The following NCALD variants were observed in gnomAD, a reference collection of about 807,000 sequenced individuals.
NCALD encodes neurocalcin delta, also known as neurocalcin-delta.
In NCALD, 10 loss-of-function variants were observed where a neutral mutation model predicts 18.6. That is an observed-to-expected ratio of 0.54 (90% CI 0.33 to 0.91). The LOEUF is 0.91. Among genes scored for constraint, NCALD ranks in the 40% least tolerant of loss-of-function variants. NCALD has a pLI of 0.03. For missense variants in NCALD, 184 were observed against 247.6 expected (o/e 0.74, Z 1.72); for synonymous variants, 88 against 87.4 (o/e 1.01, Z -0.04).
intron 2 of NCALD, among the ~76,000 whole-genome samples, chr8:101,933,543 C>T (rs1040871507): frequency 1.3e-5 from 2 of 152,208 alleles, no homozygotes; most frequent in Admixed American, 1.3e-4. Flanking sequence ...CTGTTTGAAG[C>T]CTCTAAGTTT....
chr8:101,692,324 A>G (rs1387215422), intron 3 of NCALD: 2 of 985,246 alleles, frequency 2.0e-6, no homozygotes, highest in African/African-American at 3.5e-5. Context: ...GGGAAACACA[A>G]CATCTCAGTG....
rs74944130 is a variant in NCALD at position 101,935,116 on chromosome 8, G to A, written c.-156-19258C>T. 9.5e-3 allele frequency among the ~76,000 whole-genome samples: 1,447 copies of A among 152,004 alleles called. 14 individuals are homozygous for A. The highest frequency in any genetic ancestry group is 0.018 in the African/African-American group (755 of 41,488). ...GGGAATAGTCAGAAAAATTTAAGAC[G>A]AAGGAGTAGCCTCTACATCAAAAAG... On this transcript the variant is annotated intron_variant, in intron 2 of 6. Coordinates refer to the NCALD transcript ENST00000311028.
At chr8:101,976,221 C>A (rs549998377) in intron 2 of NCALD, among the ~76,000 whole-genome samples, 2 of 152,312 alleles carry the variant, frequency 1.3e-5, no homozygotes, top group East Asian at 1.9e-4. Context: ...TTTCTATAAA[C>A]CCTGCCCTCA....
intron 1 of NCALD, among the ~76,000 whole-genome samples, chr8:102,117,455 C>A (rs1222735172): frequency 6.6e-6 from 1 of 152,176 alleles, no homozygotes; most frequent in African/African-American, 2.4e-5. Flanking sequence ...CGGCATCCGC[C>A]AGCTCATGAG....
At chr8:101,812,694 T>C (rs775385921) in intron 4 of NCALD, among the ~76,000 whole-genome samples, 13 of 152,148 alleles carry the variant, frequency 8.5e-5, no homozygotes, top group Admixed American at 1.3e-4. Context: ...TGAGTAACAA[T>C]GGAACCTTCT....
chr8:101,828,528 A>C (rs550807134), intron 4 of NCALD, among the ~76,000 whole-genome samples: 1 of 150,364 alleles, frequency 6.7e-6, no homozygotes, highest in East Asian at 2.0e-4. Context: ...TTAAAATTGC[A>C]ATGTATTCCT....
intron 2 of NCALD, among the ~76,000 whole-genome samples, chr8:101,699,216 A>G (rs1335694717): frequency 6.6e-6 from 1 of 152,248 alleles, no homozygotes; most frequent in East Asian, 1.9e-4. Flanking sequence ...ATGAGATACC[A>G]TCTCATGCCA....
intron 3 of NCALD, among the ~76,000 whole-genome samples, chr8:101,888,586 C>CT (rs200997296): frequency 4.8e-4 from 71 of 147,196 alleles, no homozygotes; most frequent in Admixed American, 1.6e-3. Flanking sequence ...CCTGGCTAAC[C>CT]TTTTTTTTTT....
intron 4 of NCALD, among the ~76,000 whole-genome samples, chr8:101,811,214 T>C (rs139933892): frequency 6.6e-6 from 1 of 152,202 alleles, no homozygotes; most frequent in African/African-American, 2.4e-5. Context: ...AGAGAGATTA[T>C]CCTGAATTAT....
rs527474172 is a variant in NCALD at position 101,893,270 on chromosome 8, A to G, written c.-106-6043T>C. ...TTCATATCTAGCCAAACTAAGCTTC[A>G]TAAGTGAAGGAGAAATAAAATACTT... On this transcript the variant is annotated intron_variant, in intron 3 of 6. Coordinates refer to the NCALD transcript ENST00000311028. Among the ~76,000 whole-genome samples the G allele has an allele frequency of 7.6e-3, 1,157 of 151,580 alleles. 12 individuals are homozygous for G. Among genetic ancestry groups the G allele is most frequent in the Non-Finnish European group, 0.012 (793 of 68,000 alleles).
chr8:102,011,592 T>C (rs1821905517), intron 2 of NCALD, among the ~76,000 whole-genome samples: 1 of 152,192 alleles, frequency 6.6e-6, no homozygotes, highest in African/African-American at 2.4e-5. Flanking sequence ...TTTGACAATC[T>C]TATGTATAAA....
At chr8:101,770,124 C>G (rs1164298133) in intron 1 of NCALD, among the ~76,000 whole-genome samples, 1 of 152,154 alleles carries the variant, frequency 6.6e-6, no homozygotes, top group African/African-American at 2.4e-5. Flanking sequence ...GAAATGCATC[C>G]TTTGTGGCCA....
chr8:101,752,370 T>C (rs187177090), intron 1 of NCALD, among the ~76,000 whole-genome samples: 2 of 152,192 alleles, frequency 1.3e-5, no homozygotes, highest in Non-Finnish European at 2.9e-5. Flanking sequence ...GTGGAAGAAT[T>C]AAAAACTAAC....
chr8:102,027,085 T>G (rs1024936687), intron 1 of NCALD, among the ~76,000 whole-genome samples: 1 of 152,158 alleles, frequency 6.6e-6, no homozygotes, highest in African/African-American at 2.4e-5. Flanking sequence ...AAACCATTTT[T>G]CCCTCCTAGG....
intron 2 of NCALD, among the ~76,000 whole-genome samples, chr8:101,935,732 C>T (rs1818737070): frequency 6.7e-6 from 1 of 149,648 alleles, no homozygotes; most frequent in Non-Finnish European, 1.5e-5. Flanking sequence ...AACTCTTTTG[C>T]CATTAAGGGG....
chr8:102,011,823 C>T (rs1305931335), intron 2 of NCALD, among the ~76,000 whole-genome samples: 1 of 152,114 alleles, frequency 6.6e-6, no homozygotes, highest in Non-Finnish European at 1.5e-5. Flanking sequence ...GATCATCCTT[C>T]CTGTTAGTTA....
chr8:101,777,567 G>A (rs1469657058), intron 1 of NCALD, among the ~76,000 whole-genome samples: 1 of 152,114 alleles, frequency 6.6e-6, no homozygotes, highest in African/African-American at 2.4e-5. Flanking sequence ...GGTCAATCAG[G>A]GTTGGGGGTG....
In NCALD at chr8:102,001,398, G is replaced by C. The variant is rs1180282434; in HGVS notation, c.-157+18839C>G. Among the ~76,000 whole-genome samples, 3 of 152,194 alleles carry C rather than the reference G, an allele frequency of 2.0e-5. No individual in the cohort carries two copies. In the East Asian group the frequency reaches 5.8e-4, roughly 29 times the overall value. On this transcript the variant is annotated intron_variant, in intron 2 of 6. Coordinates refer to the NCALD transcript ENST00000311028. ...ATGTGAAAAGACCAAATCTACGTCT[G>C]ATTGGTGTACCTGAAAGTGATGGGG...
intron 3 of NCALD, among the ~76,000 whole-genome samples, chr8:101,898,279 C>T (rs1375968120): frequency 1.3e-5 from 2 of 152,072 alleles, no homozygotes; most frequent in African/African-American, 4.8e-5. Flanking sequence ...TTTGCATTTC[C>T]CCAGTAGCTA....
Sources: allele counts gnomAD v4.1 joint callset (sites outside exome capture counted in the v4.1 genomes callset), GRCh38; gene constraint gnomAD v4.1.1; transcripts MANE v1.5; gene names NCBI Gene and HGNC (gene_info 2026-07-23, HGNC 2026-07-21).